The following VEZT variants were observed in gnomAD, a reference collection of about 807,000 sequenced individuals.
The protein encoded by VEZT is vezatin.
VEZT carries 39 observed loss-of-function variants against 79.9 expected under a neutral mutation model. The observed-to-expected ratio is 0.49, with a 90% CI of 0.38 to 0.64. VEZT has a LOEUF of 0.64. Among genes scored for constraint, VEZT ranks in the 30% least tolerant of loss-of-function variants. VEZT has a pLI of 0.00. For missense variants in VEZT, 837 were observed against 893.1 expected (o/e 0.94, Z 0.80); for synonymous variants, 325 against 327.6 (o/e 0.99, Z 0.09).
At chr12:95,246,637 A>G (rs771850731) in intron 1 of VEZT, among the ~76,000 whole-genome samples, 48 of 152,180 alleles carry the variant, frequency 3.2e-4, no homozygotes, top group South Asian at 8.3e-4. Flanking sequence ...TCATTTAGCA[A>G]AATTCTTTCT....
chr12:95,280,070 A>T (rs147891610), intron 7 of VEZT, among the ~76,000 whole-genome samples: 127 of 151,950 alleles, frequency 8.4e-4, no homozygotes, highest in Admixed American at 4.3e-3. Context: ...ACCACTAACC[A>T]CCGTGGTCTC....
intron 6 of VEZT, among the ~76,000 whole-genome samples, chr12:95,273,441 C>T (rs1807395224): frequency 6.6e-6 from 1 of 152,106 alleles, no homozygotes; most frequent in Admixed American, 6.5e-5. Context: ...TTAGAAGGTA[C>T]TGGTAAATGG....
chr12:95,237,876 C>G (rs899233005), intron 1 of VEZT, among the ~76,000 whole-genome samples: 1 of 152,094 alleles, frequency 6.6e-6, no homozygotes, highest in African/African-American at 2.4e-5. Flanking sequence ...ATAATAACAC[C>G]AATTTTATAT....
At chr12:95,250,222 C>A (rs559359777) in intron 1 of VEZT, among the ~76,000 whole-genome samples, 370 of 133,468 alleles carry the variant, frequency 2.8e-3, no homozygotes, top group Non-Finnish European at 4.0e-3. Context: ...CCCCTCCCCC[C>A]ACCTAATTGT....
At chr12:95,275,556 G>A (rs1453402048) in intron 7 of VEZT, among the ~76,000 whole-genome samples, 4 of 148,486 alleles carry the variant, frequency 2.7e-5, no homozygotes, top group Non-Finnish European at 4.4e-5. Flanking sequence ...CAGCCTGGGT[G>A]ACAATAGCAA....
chr12:95,245,559 TTTA>T, intron 1 of VEZT: 1 of 456,774 alleles, frequency 2.2e-6, no homozygotes, highest in South Asian at 1.5e-5. Context: ...TCAGTAAGTA[TTTA>T]TTATTGAATC....
chr12:95,276,259 CTTTTTTTT>C (rs35034660), intron 7 of VEZT, among the ~76,000 whole-genome samples: 35 of 75,148 alleles, frequency 4.7e-4, no homozygotes, highest in Admixed American at 1.4e-3. Context: ...TAATTTTTTT[CTTTTTTTT>C]TTTTTTTTTT....
chr12:95,243,244 G>A (rs1359660383), intron 1 of VEZT, among the ~76,000 whole-genome samples: 1 of 151,366 alleles, frequency 6.6e-6, no homozygotes, highest in African/African-American at 2.4e-5. Flanking sequence ...GGGTGGTGGT[G>A]CATGCCTGTG....
At chr12:95,296,826 G>C (rs1284594374) in intron 11 of VEZT, 1 of 152,472 alleles carries the variant, frequency 6.6e-6, no homozygotes, top group Non-Finnish European at 1.5e-5. Flanking sequence ...TGTAGTCCCA[G>C]CTACTCGAGA....
chr12:95,264,852 CCT>C (rs1460975654), intron 4 of VEZT, among the ~76,000 whole-genome samples: 5 of 150,240 alleles, frequency 3.3e-5, no homozygotes, highest in Admixed American at 1.3e-4. Context: ...CTTATACTCC[CCT>C]CTTTCTTTTC....
intron 1 of VEZT, among the ~76,000 whole-genome samples, chr12:95,230,104 CA>C (rs11386464): frequency 6.6e-4 from 48 of 72,366 alleles, no homozygotes; most frequent in South Asian, 3.1e-3. Flanking sequence ...GATTCCGTCT[CA>C]AAAAAAAAAA....
At chr12:95,267,663 T>C (rs2065793155) in intron 5 of VEZT, among the ~76,000 whole-genome samples, 4 of 152,204 alleles carry the variant, frequency 2.6e-5, no homozygotes, top group Admixed American at 2.6e-4. Flanking sequence ...CTTTACTCTC[T>C]TGTGTTCTAC....
At chr12:95,256,179 G>A (rs757565710) in intron 2 of VEZT, among the ~76,000 whole-genome samples, 40 of 152,056 alleles carry the variant, frequency 2.6e-4, no homozygotes, top group Middle Eastern at 3.2e-3. Context: ...AGCCTCCCGA[G>A]TAGCTGGGAT....
chr12:95,266,488 G>T lies in VEZT; in HGVS notation c.566G>T (p.Arg189Met). The T allele has an allele frequency of 6.2e-7, 1 of 1,613,844 alleles. No homozygotes were observed. The highest frequency in any genetic ancestry group is 1.1e-5 in the South Asian group (1 of 91,072). ...GTCATAAGAGCTTTGAGATTATGGA[G>T]GACAGCCAAACTACAAGTGACCCTA... ...YLVIRALRLW[R>M]TAKLQVTLKK... Residue 189 changes from arginine to methionine, a missense_variant, in exon 5 of 12, where the codon AGG becomes ATG. Coordinates refer to ENST00000436874, the MANE Select transcript of VEZT (RefSeq NM_017599.4).
chr12:95,242,876 C>CAA (rs367689756), intron 1 of VEZT, among the ~76,000 whole-genome samples: 883 of 64,236 alleles, frequency 0.014, 19 homozygotes, highest in African/African-American at 0.041. Context: ...TCCATCTCAC[C>CAA]AAAAAAAAAA....
chr12:95,279,694 C>T (rs539406028), intron 7 of VEZT, among the ~76,000 whole-genome samples: 3 of 152,278 alleles, frequency 2.0e-5, no homozygotes, highest in Non-Finnish European at 2.9e-5. Context: ...TGGGCTCAAG[C>T]GATCCTCCCA....
chr12:95,258,552 G>A (rs2063831201), intron 3 of VEZT, among the ~76,000 whole-genome samples: 1 of 152,066 alleles, frequency 6.6e-6, no homozygotes, highest in Non-Finnish European at 1.5e-5. Context: ...CCTTGATTGT[G>A]ACGTATTTAA....
chr12:95,233,685 A>G (rs1240657779), intron 1 of VEZT, among the ~76,000 whole-genome samples: 2 of 152,228 alleles, frequency 1.3e-5, no homozygotes, highest in East Asian at 3.8e-4. Flanking sequence ...TATAGGTGTG[A>G]GCCACTGTGC....
chr12:95,281,941 T>A (rs77192800), intron 7 of VEZT, among the ~76,000 whole-genome samples: 13,019 of 151,540 alleles, frequency 0.086, 589 homozygotes, highest in Middle Eastern at 0.12. Context: ...GAGAAAAAAA[T>A]ATATATATAT....
Sources: gnomAD v4.1 joint callset for allele counts (sites outside exome capture counted in the v4.1 genomes callset) on GRCh38, gnomAD v4.1.1 for gene constraint, MANE v1.5 for transcripts, NCBI Gene and HGNC (gene_info 2026-07-23, HGNC 2026-07-21) for gene names.